SNAP91: variants seen among roughly 807,000 people sequenced by gnomAD.
SNAP91 encodes synaptosome associated protein 91, also known as clathrin coat assembly protein AP180.
Under a neutral mutation model 100.3 loss-of-function variants are expected in SNAP91, and 27 were observed. The ratio of observed to expected loss-of-function variants is 0.27; its 90% CI spans 0.20 to 0.37. The LOEUF (loss-of-function observed/expected upper bound fraction) is 0.37. Among genes scored for constraint, SNAP91 ranks in the 10% least tolerant of loss-of-function variants. SNAP91 has a pLI of 1.00. For missense variants in SNAP91, 986 were observed against 1,123.7 expected, an observed-to-expected ratio of 0.88 and a Z score of 1.75; for synonymous variants, 404 against 398.6, an observed-to-expected ratio of 1.01 and a Z score of -0.16.
At chr6:83,686,936 T>A (rs1369409097) in intron 2 of SNAP91, 1 of 152,216 alleles carries the variant, frequency 6.6e-6, no homozygotes, top group East Asian at 1.9e-4. Context: ...GCCTGAAAGT[T>A]ATGCTACTTA....
intron 11 of SNAP91, among the ~76,000 whole-genome samples, chr6:83,612,891 T>C: frequency 3.4e-5 from 2 of 58,314 alleles, no homozygotes; most frequent in Admixed American, 1.6e-4. Flanking sequence ...CGAGACTCAG[T>C]CTCAAAAAAA....
At chr6:83,690,282 C>A in intron 2 of SNAP91, 1 of 1,184,270 alleles carries the variant, frequency 8.4e-7, no homozygotes, top group South Asian at 1.7e-5. Context: ...TGATCCAAAA[C>A]AAATGTAACA....
chr6:83,707,059 C>T (rs1190322565), intron 2 of SNAP91, among the ~76,000 whole-genome samples: 2 of 152,144 alleles, frequency 1.3e-5, no homozygotes, highest in African/African-American at 4.8e-5. Flanking sequence ...AAGAATTAAA[C>T]GGTTTCATCT....
chr6:83,632,163 C>A, intron 8 of SNAP91, among the ~76,000 whole-genome samples: 1 of 152,028 alleles, frequency 6.6e-6, no homozygotes, highest in Non-Finnish European at 1.5e-5. Context: ...TTTGAGGAGG[C>A]TGAAGATAGG....
At chr6:83,596,464 T>G (rs558630849) in intron 16 of SNAP91, among the ~76,000 whole-genome samples, 1 of 152,290 alleles carries the variant, frequency 6.6e-6, no homozygotes, top group East Asian at 1.9e-4. Flanking sequence ...TTATTTTTTT[T>G]TGGTTCCTAT....
At position 83,609,822 on chromosome 6, in the gene SNAP91, A is replaced by G. The variant is rs943993020; in HGVS notation, c.912+828T>C. Among the ~76,000 whole-genome samples the G allele has an allele frequency of 6.6e-5, 10 of 152,222 alleles. No homozygotes were observed. The East Asian group carries it at 1.2e-3, about 18-fold the overall frequency. The stretch of plus-strand genomic sequence containing the variant: ...TTTCTCTACCTTTGAAACATGCACA[A>G]TATCACATTACCTACCTCATACGAC... On this transcript the variant is annotated intron_variant, in intron 12 of 29. Coordinates refer to ENST00000369694, the MANE Select transcript of SNAP91 (RefSeq NM_001242792.2).
At chr6:83,669,610 T>A (rs1199333498) in intron 2 of SNAP91, among the ~76,000 whole-genome samples, 1 of 151,892 alleles carries the variant, frequency 6.6e-6, no homozygotes, top group Non-Finnish European at 1.5e-5. Flanking sequence ...ATCCATCACC[T>A]CCAAAAGTTT....
chr6:83,603,459 G>A lies in SNAP91; in HGVS notation c.1142-1860C>T, dbSNP rs140369334. Among the ~76,000 whole-genome samples, 487 of 151,652 alleles carry A rather than the reference G, an allele frequency of 3.2e-3. 5 individuals are homozygous for A. Among genetic ancestry groups the A allele is most frequent in the South Asian group, 0.018 (86 of 4,778 alleles). The stretch of plus-strand genomic sequence containing the variant: ...GCTCAGGCTGGACTCTTAACTACTG[G>A]GCTTAAGTGAGATTCTCATCTCAGC... On this transcript the variant is annotated intron_variant, in intron 14 of 29. Transcript: ENST00000369694.
chr6:83,557,730 T>TAG (rs373505792), intron 28 of SNAP91, among the ~76,000 whole-genome samples: 2 of 151,900 alleles, frequency 1.3e-5, no homozygotes, highest in Non-Finnish European at 2.9e-5. Flanking sequence ...ATCTGTTTCA[T>TAG]AGAGAGAGAT....
rs572784550 is a variant in SNAP91, at chr6:83,618,399, CTAA to C, written c.808-1363_808-1361del. Among the ~76,000 whole-genome samples, 307 of 151,412 alleles carry C rather than the reference CTAA, an allele frequency of 2.0e-3. 2 individuals are homozygous for C. Among genetic ancestry groups the C allele is most frequent in the Non-Finnish European group, 3.8e-3 (259 of 67,688 alleles). On this transcript the variant is annotated intron_variant, in intron 9 of 29. Coordinates refer to ENST00000369694, the MANE Select transcript of SNAP91 (RefSeq NM_001242792.2). ...GTTAAAAAAAAAAGATTATCGGCAT[CTAA>C]TAAGTTTAGAAAATTACAAAAATTA...
chr6:83,634,344 C>G (rs1219028315), intron 8 of SNAP91, among the ~76,000 whole-genome samples: 1 of 151,842 alleles, frequency 6.6e-6, no homozygotes, highest in Non-Finnish European at 1.5e-5. Context: ...CTCCTGTTAT[C>G]TAGGCCTACG....
chr6:83,599,507 C>A (rs187449268), intron 16 of SNAP91, among the ~76,000 whole-genome samples: 13 of 152,126 alleles, frequency 8.5e-5, no homozygotes, highest in African/African-American at 3.1e-4. Context: ...AGTGTATTAC[C>A]TATTATTATT....
intron 10 of SNAP91, among the ~76,000 whole-genome samples, chr6:83,616,508 T>G (rs2096491324): frequency 6.6e-6 from 1 of 152,180 alleles, no homozygotes; most frequent in South Asian, 2.1e-4. Context: ...TAGTATGCCA[T>G]GCCTAATAGT....
At chr6:83,708,062 A>C in intron 1 of SNAP91, 105 bp from the exon 2 acceptor site, 17 of 956,390 alleles carry the variant, frequency 1.8e-5, no homozygotes, top group Non-Finnish European at 2.2e-5. Context: ...CTCCTCCTCC[A>C]TCCCCACCCT....
At chr6:83,626,861 C>T (rs9449669) in intron 8 of SNAP91, among the ~76,000 whole-genome samples, 6,535 of 151,924 alleles carry the variant, frequency 0.043, 461 homozygotes, top group African/African-American at 0.14. Flanking sequence ...TTTCTCTATC[C>T]TGACTGCTCT....
At chr6:83,605,576 C>A in intron 14 of SNAP91, 109 bp downstream of exon 14, 1 of 1,417,986 alleles carries the variant, frequency 7.1e-7, no homozygotes, top group Non-Finnish European at 9.5e-7. Context: ...CTCCAAGTTT[C>A]TAATACCATT....
intron 2 of SNAP91, among the ~76,000 whole-genome samples, chr6:83,673,275 A>T (rs958947149): frequency 6.6e-6 from 1 of 152,108 alleles, no homozygotes; most frequent in African/African-American, 2.4e-5. Context: ...AGACTGTGGG[A>T]GATGATTATG....
Position 83,661,512 on chromosome 6 carries a change from C to G in SNAP91, c.442G>C (p.Val148Leu). Reference sequence around the variant, plus strand: ...AAGACAAAAACATACCCTTTCTTCACCCTGGCAAAATCAAAGGCCATCTGT... The same window carrying G: ...AAGACAAAAACATACCCTTTCTTCAGCCTGGCAAAATCAAAGGCCATCTGT... The part of the protein sequence containing the change: ...YRQMAFDFAR[V>L]KKGADGVMRT... The change falls in exon 5 of 30, where the codon GTG (valine) becomes CTG (leucine). Residue 148 changes from valine (V) to leucine (L), a missense_variant. This residue lies in a region of SNAP91 where 330 missense variants were observed against 447.5 expected (regional missense o/e 0.74). Coordinates refer to ENST00000369694, the MANE Select transcript of SNAP91 (RefSeq NM_001242792.2). 6.2e-7 allele frequency: 1 copy of G among 1,601,638 alleles called. No individual in the cohort carries two copies. The highest frequency in any genetic ancestry group is 8.5e-7 in the Non-Finnish European group (1 of 1,172,248).
intron 11 of SNAP91, among the ~76,000 whole-genome samples, chr6:83,611,713 T>A (rs1305994488): frequency 2.0e-5 from 3 of 151,866 alleles, no homozygotes; most frequent in Non-Finnish European, 4.4e-5. Flanking sequence ...TTTTTTTTTT[T>A]TGAGACGGAG....
Sources: allele counts gnomAD v4.1 joint callset (sites outside exome capture counted in the v4.1 genomes callset), GRCh38; gene constraint gnomAD v4.1.1; regional missense constraint gnomAD v4.1.1; transcripts MANE v1.5; gene names NCBI Gene and HGNC (gene_info 2026-07-23, HGNC 2026-07-21).